The following TENM3 variants were observed in gnomAD, a reference collection of about 807,000 sequenced individuals.
The protein encoded by TENM3 is teneurin-3.
In TENM3, 63 loss-of-function variants were observed where a neutral mutation model predicts 255.1. That is an observed-to-expected ratio of 0.25 (90% CI 0.20 to 0.30). TENM3 has a LOEUF of 0.30. TENM3 is among the 10% of genes least tolerant of loss of function. The pLI is 1.00. For synonymous variants in TENM3, 1,306 were observed against 1,322.3 expected (o/e 0.99, Z 0.27); for missense variants, 2,929 against 3,461.1 (o/e 0.85, Z 3.86).
chr4:182,005,475 T>G, the TENM3 span, among the ~76,000 whole-genome samples: 2 of 152,210 alleles, frequency 1.3e-5, no homozygotes, highest in Non-Finnish European at 2.9e-5. Flanking sequence ...ACTGTAGACT[T>G]GTAGTATAGT....
the TENM3 span, among the ~76,000 whole-genome samples, chr4:182,000,366 T>C: frequency 6.6e-6 from 1 of 152,114 alleles, no homozygotes; most frequent in South Asian, 2.1e-4. Flanking sequence ...ACCACAGCCC[T>C]TCTCTAGCCA....
At chr4:181,582,893 A>T in the TENM3 span, among the ~76,000 whole-genome samples, 275 of 152,250 alleles carry the variant, frequency 1.8e-3, no homozygotes, top group Non-Finnish European at 2.5e-3. Context: ...ACCTTTGAAG[A>T]AATTTATGTG....
intron 3 of TENM3, among the ~76,000 whole-genome samples, chr4:182,472,239 AT>A (rs144288861): frequency 0.061 from 9,268 of 152,056 alleles, 423 homozygotes; most frequent in African/African-American, 0.13. Flanking sequence ...TGTCTTACAT[AT>A]TTTTTGAACC....
the TENM3 span, among the ~76,000 whole-genome samples, chr4:181,973,756 A>T: frequency 1.3e-5 from 2 of 152,190 alleles, no homozygotes; most frequent in Non-Finnish European, 2.9e-5. Flanking sequence ...GCCAGGCCCT[A>T]GAGCTAAAAA....
chr4:182,165,908 A>G (rs540420456), intron 1 of TENM3, among the ~76,000 whole-genome samples: 2 of 152,172 alleles, frequency 1.3e-5, no homozygotes, highest in East Asian at 3.9e-4. Flanking sequence ...CTCGACGAGT[A>G]GCTGGGATTA....
chr4:182,243,901 G>A (rs978714557), intron 1 of TENM3, among the ~76,000 whole-genome samples: 2 of 149,456 alleles, frequency 1.3e-5, no homozygotes, highest in Non-Finnish European at 3.0e-5. Flanking sequence ...TCTTCTCAAA[G>A]TGCTAACTGA....
chr4:182,684,171 G>T (rs1342215982), intron 11 of TENM3, among the ~76,000 whole-genome samples: 3 of 151,310 alleles, frequency 2.0e-5, no homozygotes, highest in Non-Finnish European at 4.4e-5. Flanking sequence ...AAGCAGGGAA[G>T]AGAGAAGTGG....
the TENM3 span, among the ~76,000 whole-genome samples, chr4:181,560,759 C>G: frequency 6.6e-6 from 1 of 152,144 alleles, no homozygotes; most frequent in Admixed American, 6.5e-5. Flanking sequence ...GTTCCCCCAG[C>G]CAGGAAGGTC....
chr4:181,879,396 A>G, the TENM3 span, among the ~76,000 whole-genome samples: 1 of 152,110 alleles, frequency 6.6e-6, no homozygotes, highest in African/African-American at 2.4e-5. Flanking sequence ...AATGTTTTCA[A>G]TGACCTTCTT....
At chr4:182,790,602 T>C (rs1250645506) in intron 25 of TENM3, among the ~76,000 whole-genome samples, 1 of 152,088 alleles carries the variant, frequency 6.6e-6, no homozygotes, top group East Asian at 1.9e-4. Context: ...GGCCAATCCG[T>C]CCTCTTGCAA....
chr4:182,104,128 A>G, the TENM3 span, among the ~76,000 whole-genome samples: 1 of 152,144 alleles, frequency 6.6e-6, no homozygotes, highest in South Asian at 2.1e-4. Context: ...ACCATGACCA[A>G]TTTCAACCTG....
the TENM3 span, among the ~76,000 whole-genome samples, chr4:181,903,076 T>C: frequency 1.3e-5 from 2 of 152,194 alleles, no homozygotes; most frequent in African/African-American, 4.8e-5. Flanking sequence ...GGTTTCCTAC[T>C]GAGGAAAACA....
intron 1 of TENM3, among the ~76,000 whole-genome samples, chr4:182,181,422 C>T (rs1752833250): frequency 6.6e-6 from 1 of 152,198 alleles, no homozygotes; most frequent in Non-Finnish European, 1.5e-5. Context: ...TCTGCGGGAG[C>T]CGCGGAGCTC....
chr4:181,710,173 C>T, the TENM3 span, among the ~76,000 whole-genome samples: 107 of 152,102 alleles, frequency 7.0e-4, no homozygotes, highest in African/African-American at 2.1e-3. Flanking sequence ...AGAGAAGAGG[C>T]TTGAGGACTA....
the TENM3 span, among the ~76,000 whole-genome samples, chr4:181,940,473 T>C: frequency 6.6e-6 from 1 of 152,320 alleles, no homozygotes; most frequent in South Asian, 2.1e-4. Flanking sequence ...GTGCAGTACA[T>C]ATGCTGTTAG....
chr4:182,280,068 TC>T (rs965737922), intron 1 of TENM3, among the ~76,000 whole-genome samples: 1 of 152,196 alleles, frequency 6.6e-6, no homozygotes, highest in African/African-American at 2.4e-5. Context: ...GATTGGAGTG[TC>T]CTTTTCATCA....
chr4:181,584,737 C>CGAAGT, the TENM3 span, among the ~76,000 whole-genome samples: 1 of 152,010 alleles, frequency 6.6e-6, no homozygotes, highest in Non-Finnish European at 1.5e-5. Context: ...AAAAGTTTGC[C>CGAAGT]GAAGTTCTTT....
chr4:182,701,643 A>G (rs1757886613), intron 12 of TENM3, among the ~76,000 whole-genome samples: 1 of 152,196 alleles, frequency 6.6e-6, no homozygotes, highest in South Asian at 2.1e-4. Context: ...CAAAGAGGAA[A>G]CTATGTGGTT....
At chr4:182,167,360 A>T (rs908625243) in intron 1 of TENM3, among the ~76,000 whole-genome samples, 1 of 152,188 alleles carries the variant, frequency 6.6e-6, no homozygotes, top group African/African-American at 2.4e-5. Context: ...AATTAGTAGA[A>T]AGTTGAATGA....
Sources: allele counts gnomAD v4.1 joint callset (sites outside exome capture counted in the v4.1 genomes callset), GRCh38; gene constraint gnomAD v4.1.1; transcripts MANE v1.5; gene names NCBI Gene and HGNC (gene_info 2026-07-23, HGNC 2026-07-21).